NCKAP5: variants seen among roughly 807,000 people sequenced by gnomAD.
NCKAP5 encodes the protein NCK associated protein 5, also known as nck-associated protein 5.
NCKAP5 carries 92 observed loss-of-function variants against 167.0 expected under a neutral mutation model. The observed-to-expected ratio is 0.55, with a 90% CI of 0.47 to 0.66. The LOEUF (loss-of-function observed/expected upper bound fraction) is 0.66, where lower values mean the gene tolerates loss of function less well. Among genes scored for constraint, NCKAP5 ranks in the 30% least tolerant of loss-of-function variants. NCKAP5 has a pLI of 0.00. For missense variants in NCKAP5, 2,378 were observed against 2,315.0 expected, an observed-to-expected ratio of 1.03 and a Z score of -0.56; for synonymous variants, 891 against 877.4, an observed-to-expected ratio of 1.02 and a Z score of -0.27.
chr2:132,977,949 A>C (rs979005729), intron 7 of NCKAP5, among the ~76,000 whole-genome samples: 1 of 152,202 alleles, frequency 6.6e-6, no homozygotes, highest in Non-Finnish European at 1.5e-5. Context: ...TCTTTGTCAC[A>C]TAGTGGGATG....
chr2:133,020,420 G>A (rs2078486539), intron 6 of NCKAP5, among the ~76,000 whole-genome samples: 1 of 152,168 alleles, frequency 6.6e-6, no homozygotes, highest in African/African-American at 2.4e-5. Flanking sequence ...GAAAACAGAA[G>A]AGGAGAATAA....
chr2:133,613,350 A>C, the NCKAP5 span, among the ~76,000 whole-genome samples: 2 of 152,302 alleles, frequency 1.3e-5, no homozygotes, highest in East Asian at 3.9e-4. Flanking sequence ...ATTATTAAGA[A>C]AGATTTTCAT....
chr2:133,591,120 G>A, the NCKAP5 span, among the ~76,000 whole-genome samples: 1 of 152,156 alleles, frequency 6.6e-6, no homozygotes, highest in African/African-American at 2.4e-5. Context: ...AATTAAGCCA[G>A]GAACCAGTGA....
At chr2:132,742,264 T>C (rs1835429) in intron 16 of NCKAP5, among the ~76,000 whole-genome samples, 30,437 of 151,934 alleles carry the variant, frequency 0.2, 3,607 homozygotes, top group Non-Finnish European at 0.28. Flanking sequence ...ACTGCCTCTA[T>C]TCTTAATTTC....
intron 4 of NCKAP5, among the ~76,000 whole-genome samples, chr2:133,279,322 T>C (rs1364108481): frequency 6.6e-6 from 1 of 152,238 alleles, no homozygotes; most frequent in African/African-American, 2.4e-5. Flanking sequence ...CAGGTTTGGA[T>C]TGTATACTAC....
chr2:132,807,659 G>A (rs917225587), intron 11 of NCKAP5, among the ~76,000 whole-genome samples: 2 of 152,066 alleles, frequency 1.3e-5, no homozygotes, highest in East Asian at 3.9e-4. Context: ...GCTTTCTAGA[G>A]GAGTCCTTAG....
At chr2:132,699,779 G>A (rs141752589) in intron 19 of NCKAP5, among the ~76,000 whole-genome samples, 1,709 of 152,172 alleles carry the variant, frequency 0.011, 33 homozygotes, top group African/African-American at 0.038. Flanking sequence ...GAATAGTGTC[G>A]CAATAAACAT....
intron 3 of NCKAP5, among the ~76,000 whole-genome samples, chr2:133,326,708 A>G (rs1221815727): frequency 1.3e-5 from 2 of 152,028 alleles, no homozygotes; most frequent in African/African-American, 4.8e-5. Context: ...CCCCATCTCT[A>G]ATGACCTGTT....
intron 6 of NCKAP5, among the ~76,000 whole-genome samples, chr2:133,084,505 T>C (rs1325952821): frequency 6.6e-6 from 1 of 152,124 alleles, no homozygotes; most frequent in Non-Finnish European, 1.5e-5. Flanking sequence ...ATGACACATA[T>C]ATGGTGGGCT....
chr2:133,195,711 A>T (rs182194061), intron 5 of NCKAP5, among the ~76,000 whole-genome samples: 25 of 152,322 alleles, frequency 1.6e-4, no homozygotes, highest in African/African-American at 5.5e-4. Context: ...ATCAGAAAAA[A>T]AATTGTGACA....
intron 9 of NCKAP5, 130 bp downstream of exon 9, chr2:132,878,718 T>A: frequency 1.4e-6 from 1 of 730,162 alleles, no homozygotes; most frequent in Non-Finnish European, 2.4e-6. Flanking sequence ...GCTACATGTT[T>A]ACTACATTTC....
intron 6 of NCKAP5, among the ~76,000 whole-genome samples, chr2:133,004,132 G>A (rs949717370): frequency 1.3e-5 from 2 of 152,186 alleles, no homozygotes; most frequent in African/African-American, 4.8e-5. Flanking sequence ...GAGAGGGGGA[G>A]GGAGAAAGAA....
intron 8 of NCKAP5, among the ~76,000 whole-genome samples, chr2:132,919,641 C>T (rs1009448878): frequency 6.6e-6 from 1 of 151,126 alleles, no homozygotes; most frequent in African/African-American, 2.4e-5. Flanking sequence ...TCAGCAACGA[C>T]AGACAAGAAG....
rs569250099 is a variant in NCKAP5 at position 133,196,634 on chromosome 2, C to T, written c.207+17082G>A. Among the ~76,000 whole-genome samples, 19 of 152,212 alleles carry T rather than the reference C, an allele frequency of 1.2e-4. 1 individual carries two copies. The highest frequency in any genetic ancestry group is 4.3e-4 in the African/African-American group (18 of 41,556). On this transcript the variant is annotated intron_variant, in intron 5 of 19. Coordinates refer to ENST00000409261, the MANE Select transcript of NCKAP5 (RefSeq NM_207363.3). Reference sequence around the variant, plus strand: ...AGAAGGAAACCAGAATTAGAAGTTCCGCTGAACCAGCAGTGAGCCTACCAT... The same window carrying T: ...AGAAGGAAACCAGAATTAGAAGTTCTGCTGAACCAGCAGTGAGCCTACCAT...
At chr2:132,925,355 C>A (rs898224518) in intron 8 of NCKAP5, among the ~76,000 whole-genome samples, 1 of 151,688 alleles carries the variant, frequency 6.6e-6, no homozygotes, top group East Asian at 2.0e-4. Flanking sequence ...CAGATCAAGA[C>A]CATCCTGGTT....
chr2:133,491,347 C>T (rs1483529890), intron 3 of NCKAP5, among the ~76,000 whole-genome samples: 1 of 152,166 alleles, frequency 6.6e-6, no homozygotes, highest in Non-Finnish European at 1.5e-5. Context: ...GCATGAGCTA[C>T]TTCTAATAAG....
At chr2:132,816,289 T>C (rs1686263867) in intron 11 of NCKAP5, among the ~76,000 whole-genome samples, 1 of 151,974 alleles carries the variant, frequency 6.6e-6, no homozygotes, top group African/African-American at 2.4e-5. Flanking sequence ...CTAAAAAAAG[T>C]GCAAAGTCAA....
chr2:133,520,552 G>C (rs550578861), intron 2 of NCKAP5, among the ~76,000 whole-genome samples: 4 of 152,298 alleles, frequency 2.6e-5, no homozygotes, highest in African/African-American at 9.6e-5. Flanking sequence ...AGGTAGGTAA[G>C]ACTTAAATAT....
At chr2:133,657,330 G>A in the NCKAP5 span, among the ~76,000 whole-genome samples, 3 of 152,208 alleles carry the variant, frequency 2.0e-5, no homozygotes, top group Non-Finnish European at 4.4e-5. Flanking sequence ...GAGAGGAAGG[G>A]GAGGTGTTCA....
Sources: gnomAD v4.1 joint callset for allele counts (sites outside exome capture counted in the v4.1 genomes callset) on GRCh38, gnomAD v4.1.1 for gene constraint, MANE v1.5 for transcripts, NCBI Gene and HGNC (gene_info 2026-07-23, HGNC 2026-07-21) for gene names.